PDGFC: variants seen among roughly 807,000 people sequenced by gnomAD.
The protein encoded by PDGFC is platelet-derived growth factor C.
PDGFC carries 12 observed loss-of-function variants against 35.5 expected under a neutral mutation model. That is an observed-to-expected ratio of 0.34 (90% CI 0.22 to 0.55). PDGFC has a LOEUF of 0.55. Ranked by LOEUF, PDGFC falls within the 20% of genes least tolerant of loss-of-function variation. The pLI, the probability that PDGFC is intolerant of heterozygous loss-of-function variation, is 0.91. For missense variants in PDGFC, 322 were observed against 412.4 expected (o/e 0.78, Z 1.90); for synonymous variants, 159 against 148.8 (o/e 1.07, Z -0.50).
chr4:156,882,877 G>T (rs1730276827), intron 1 of PDGFC, among the ~76,000 whole-genome samples: 1 of 152,086 alleles, frequency 6.6e-6, no homozygotes, highest in Admixed American at 6.5e-5. Flanking sequence ...AAGGTCAGGA[G>T]ATCGAGACCA....
intron 1 of PDGFC, among the ~76,000 whole-genome samples, chr4:156,931,855 G>C (rs1731556765): frequency 6.6e-6 from 1 of 151,988 alleles, no homozygotes; most frequent in Admixed American, 6.6e-5. Context: ...GAAAACTTAG[G>C]TAGTGGAATG....
chr4:156,817,535 T>C (rs1254885052), intron 2 of PDGFC, among the ~76,000 whole-genome samples: 6 of 152,128 alleles, frequency 3.9e-5, no homozygotes, highest in Non-Finnish European at 8.8e-5. Context: ...CTAATAACTC[T>C]AGAAGAAATG....
intron 1 of PDGFC, among the ~76,000 whole-genome samples, chr4:156,961,392 G>A (rs994703875): frequency 6.6e-6 from 1 of 151,998 alleles, no homozygotes; most frequent in African/African-American, 2.4e-5. Context: ...CAGGTGCAAC[G>A]GCCAACTGGG....
chr4:156,861,182 G>A (rs1187061702), intron 1 of PDGFC, among the ~76,000 whole-genome samples: 1 of 151,916 alleles, frequency 6.6e-6, no homozygotes, highest in Non-Finnish European at 1.5e-5. Flanking sequence ...ACAGTAAGAG[G>A]GCATTGGAAT....
intron 1 of PDGFC, among the ~76,000 whole-genome samples, chr4:156,925,286 A>AT (rs1250639254): frequency 6.6e-6 from 1 of 152,100 alleles, no homozygotes; most frequent in East Asian, 1.9e-4. Context: ...TCTTATGTGC[A>AT]TTTTTTTAAA....
chr4:156,840,606 GA>G (rs1263509973), intron 2 of PDGFC, among the ~76,000 whole-genome samples: 2 of 152,164 alleles, frequency 1.3e-5, no homozygotes, highest in Non-Finnish European at 1.5e-5. Flanking sequence ...GCTGTGAGAA[GA>G]GGGCCACTGT....
chr4:156,868,835 T>C (rs342317), intron 1 of PDGFC, among the ~76,000 whole-genome samples: 34,439 of 152,094 alleles, frequency 0.23, 4,696 homozygotes, highest in South Asian at 0.54. Flanking sequence ...CTCCGTCTTC[T>C]TTCTATAATC....
At chr4:156,795,802 T>A (rs900316849) in intron 3 of PDGFC, among the ~76,000 whole-genome samples, 3 of 152,154 alleles carry the variant, frequency 2.0e-5, no homozygotes, top group Non-Finnish European at 1.5e-5. Context: ...TGGGAGAGAT[T>A]TAGCTGCACT....
chr4:156,907,486 A>G (rs564445998), intron 1 of PDGFC, among the ~76,000 whole-genome samples: 32 of 152,286 alleles, frequency 2.1e-4, no homozygotes, highest in South Asian at 1.0e-3. Context: ...TGAGATAAAG[A>G]TTGTTTCACC....
intron 1 of PDGFC, among the ~76,000 whole-genome samples, chr4:156,887,496 G>A (rs1415724767): frequency 1.3e-5 from 2 of 152,064 alleles, no homozygotes; most frequent in Non-Finnish European, 2.9e-5. Flanking sequence ...AATTGTTTAA[G>A]TGACAATGTC....
intron 1 of PDGFC, among the ~76,000 whole-genome samples, chr4:156,891,670 T>C (rs1730514084): frequency 6.6e-6 from 1 of 152,186 alleles, no homozygotes; most frequent in African/African-American, 2.4e-5. Flanking sequence ...GATTAACCTT[T>C]CAGCAAACTT....
At chr4:156,954,163 A>G (rs2110948145) in intron 1 of PDGFC, among the ~76,000 whole-genome samples, 1 of 152,080 alleles carries the variant, frequency 6.6e-6, no homozygotes, top group East Asian at 1.9e-4. Context: ...ATATTGGCAT[A>G]CCGAACATGT....
chr4:156,966,153 G>A (rs1732461402), intron 1 of PDGFC, among the ~76,000 whole-genome samples: 1 of 152,140 alleles, frequency 6.6e-6, no homozygotes, highest in African/African-American at 2.4e-5. Flanking sequence ...TAAAAAATGG[G>A]AGATTTGAAA....
chr4:156,793,495 A>G (rs1731351240), intron 3 of PDGFC, among the ~76,000 whole-genome samples: 1 of 148,366 alleles, frequency 6.7e-6, no homozygotes, highest in African/African-American at 2.5e-5. Flanking sequence ...TTCATATAGT[A>G]AGGTTAAGTA....
chr4:156,860,143 T>C (rs1439390270), intron 1 of PDGFC, among the ~76,000 whole-genome samples: 1 of 152,170 alleles, frequency 6.6e-6, no homozygotes, highest in Non-Finnish European at 1.5e-5. Context: ...ACCAAAATTC[T>C]GTTAGCAAGG....
At chr4:156,790,733 T>C (rs1033570827) in intron 3 of PDGFC, among the ~76,000 whole-genome samples, 2 of 152,212 alleles carry the variant, frequency 1.3e-5, no homozygotes, top group African/African-American at 4.8e-5. Flanking sequence ...TTTTTCATCC[T>C]AATTATTCAC....
At chr4:156,842,473 A>T (rs1729229020) in intron 2 of PDGFC, among the ~76,000 whole-genome samples, 1 of 151,938 alleles carries the variant, frequency 6.6e-6, no homozygotes, top group South Asian at 2.1e-4. Flanking sequence ...ACATAACAAA[A>T]TCCCTCCAAG....
At chr4:156,864,981 T>C (rs79883283) in intron 1 of PDGFC, among the ~76,000 whole-genome samples, 12,613 of 152,144 alleles carry the variant, frequency 0.083, 553 homozygotes, top group South Asian at 0.22. Context: ...GAAAATTATA[T>C]ATCTGTACAA....
At chr4:156,802,010 A>C (rs1284058765) in intron 3 of PDGFC, among the ~76,000 whole-genome samples, 1 of 152,144 alleles carries the variant, frequency 6.6e-6, no homozygotes, top group Non-Finnish European at 1.5e-5. Context: ...ACAAATACAT[A>C]ATTGTCTATT....
Sources: gnomAD v4.1 joint callset for allele counts (sites outside exome capture counted in the v4.1 genomes callset) on GRCh38, gnomAD v4.1.1 for gene constraint, MANE v1.5 for transcripts, NCBI Gene and HGNC (gene_info 2026-07-23, HGNC 2026-07-21) for gene names.